The following KIAA1217 variants were observed in gnomAD, a reference collection of about 807,000 sequenced individuals.
KIAA1217 encodes the protein sickle tail protein homolog.
Under a neutral mutation model 163.9 loss-of-function variants are expected in KIAA1217, and 88 were observed. The observed-to-expected ratio is 0.54, with a 90% CI of 0.45 to 0.64. The LOEUF (loss-of-function observed/expected upper bound fraction) is 0.64, where lower values mean the gene tolerates loss of function less well. Among genes scored for constraint, KIAA1217 ranks in the 30% least tolerant of loss-of-function variants. The pLI is 0.00. For missense variants in KIAA1217, 2,372 were observed against 2,475.0 expected (o/e 0.96, Z 0.88); for synonymous variants, 903 against 923.1 (o/e 0.98, Z 0.39).
At chr10:24,416,618 C>T (rs919818671) in intron 3 of KIAA1217, among the ~76,000 whole-genome samples, 18 of 152,212 alleles carry the variant, frequency 1.2e-4, no homozygotes, top group East Asian at 1.9e-4. Context: ...TTTACCTTCA[C>T]GATGACCGAG....
At chr10:24,269,564 G>T (rs1484266175) in intron 2 of KIAA1217, among the ~76,000 whole-genome samples, 1 of 152,080 alleles carries the variant, frequency 6.6e-6, no homozygotes, top group Non-Finnish European at 1.5e-5. Flanking sequence ...TCAAAAAACA[G>T]AGCAAATTAC....
chr10:24,058,658 G>T (rs779826207), intron 2 of KIAA1217, among the ~76,000 whole-genome samples: 30 of 151,838 alleles, frequency 2.0e-4, no homozygotes, highest in Non-Finnish European at 3.5e-4. Flanking sequence ...ATTGTAAATG[G>T]GATAAATTTT....
intron 1 of KIAA1217, among the ~76,000 whole-genome samples, chr10:23,867,412 T>G (rs1471763541): frequency 6.6e-6 from 1 of 152,132 alleles, no homozygotes; most frequent in African/African-American, 2.4e-5. Context: ...TCTAGATCCC[T>G]GAGGAATCGC....
intron 2 of KIAA1217, among the ~76,000 whole-genome samples, chr10:24,045,600 T>C (rs1391237928): frequency 1.3e-5 from 2 of 152,180 alleles, no homozygotes; most frequent in African/African-American, 2.4e-5. Flanking sequence ...TTCTGCTATC[T>C]AGTTTTGATC....
intron 2 of KIAA1217, among the ~76,000 whole-genome samples, chr10:24,278,171 T>TGTGGCTG (rs2077518138): frequency 6.6e-6 from 1 of 152,162 alleles, no homozygotes; most frequent in Non-Finnish European, 1.5e-5. Context: ...GAGAAGCACA[T>TGTGGCTG]TACAGCCACA....
chr10:24,087,598 G>T (rs991216620), intron 2 of KIAA1217, among the ~76,000 whole-genome samples: 1 of 152,176 alleles, frequency 6.6e-6, no homozygotes, highest in African/African-American at 2.4e-5. Context: ...GCGAAAGGCT[G>T]TAGATCTAAC....
At chr10:24,016,415 A>T (rs1847480928) in intron 2 of KIAA1217, among the ~76,000 whole-genome samples, 2 of 152,136 alleles carry the variant, frequency 1.3e-5, no homozygotes, top group South Asian at 4.1e-4. Context: ...AACACCTTTT[A>T]TACAAAGTAT....
At chr10:24,437,869 G>A (rs1167980941) in intron 4 of KIAA1217, among the ~76,000 whole-genome samples, 13 of 66,582 alleles carry the variant, frequency 2.0e-4, no homozygotes, top group Admixed American at 4.0e-4. Context: ...CTGGACTCCA[G>A]ATACCTTTTC....
At chr10:23,884,172 TAAGA>T (rs1589011425) in intron 1 of KIAA1217, among the ~76,000 whole-genome samples, 2 of 151,916 alleles carry the variant, frequency 1.3e-5, no homozygotes, top group African/African-American at 2.4e-5. Context: ...TTTAGTGCTG[TAAGA>T]AACTACCCAA....
chr10:23,939,280 T>A (rs1466318399), intron 1 of KIAA1217, among the ~76,000 whole-genome samples: 1 of 152,050 alleles, frequency 6.6e-6, no homozygotes, highest in Non-Finnish European at 1.5e-5. Context: ...ATGTAAACAG[T>A]TTAGACATCC....
chr10:23,776,826 G>T (rs1000560355), intron 1 of KIAA1217, among the ~76,000 whole-genome samples: 1 of 151,680 alleles, frequency 6.6e-6, no homozygotes, highest in Non-Finnish European at 1.5e-5. Context: ...GATTACAGGA[G>T]TGCACCACCA....
At chr10:24,247,870 A>G (rs1372834837) in intron 2 of KIAA1217, among the ~76,000 whole-genome samples, 1 of 152,214 alleles carries the variant, frequency 6.6e-6, no homozygotes, top group East Asian at 1.9e-4. Context: ...ATGAGGACAG[A>G]AGCTTTTATT....
At chr10:24,371,531 A>T (rs756409031) in intron 2 of KIAA1217, among the ~76,000 whole-genome samples, 2 of 152,206 alleles carry the variant, frequency 1.3e-5, no homozygotes, top group African/African-American at 2.4e-5. Context: ...AATTGATTTG[A>T]TGGCCTTGGC....
intron 2 of KIAA1217, among the ~76,000 whole-genome samples, chr10:24,335,694 C>CT (rs1430826537): frequency 6.6e-6 from 1 of 151,558 alleles, no homozygotes; most frequent in African/African-American, 2.4e-5. Flanking sequence ...ACTGCAACCT[C>CT]TGACTCCTGG....
At chr10:24,219,528 T>A in intron 1 of KIAA1217, 98 bp from the exon 2 acceptor site, 1 of 934,222 alleles carries the variant, frequency 1.1e-6, no homozygotes, top group Non-Finnish European at 1.5e-6. Context: ...AAGTTAACAT[T>A]CATACATTAA....
chr10:23,947,672 TATTG>T (rs551277281), intron 1 of KIAA1217, among the ~76,000 whole-genome samples: 142 of 152,336 alleles, frequency 9.3e-4, no homozygotes, highest in African/African-American at 3.3e-3. Context: ...ATTTAATAAA[TATTG>T]ATTGATTGCC....
intron 6 of KIAA1217, among the ~76,000 whole-genome samples, chr10:24,488,119 A>G (rs2065638560): frequency 6.6e-6 from 1 of 152,180 alleles, no homozygotes; most frequent in Non-Finnish European, 1.5e-5. Context: ...AAATCGCCAT[A>G]CTTAGAGGGG....
chr10:23,809,305 G>A (rs948979442), intron 1 of KIAA1217, among the ~76,000 whole-genome samples: 2 of 151,936 alleles, frequency 1.3e-5, no homozygotes, highest in African/African-American at 4.8e-5. Context: ...GAGGGGGAGA[G>A]AATTGAGTCC....
At chr10:23,889,027 G>C (rs188397547) in intron 1 of KIAA1217, among the ~76,000 whole-genome samples, 2 of 151,934 alleles carry the variant, frequency 1.3e-5, no homozygotes, top group East Asian at 3.9e-4. Context: ...TCAATCATCT[G>C]TTCCTTTTCA....
Sources: gnomAD v4.1 joint callset for allele counts (sites outside exome capture counted in the v4.1 genomes callset) on GRCh38, gnomAD v4.1.1 for gene constraint, MANE v1.5 for transcripts, NCBI Gene and HGNC (gene_info 2026-07-23, HGNC 2026-07-21) for gene names.